Variants in STS observed in about 807,000 individuals in gnomAD.
STS encodes the protein steroid sulfatase.
STS carries 7 observed loss-of-function variants against 26.8 expected under a neutral mutation model. That is an observed-to-expected ratio of 0.26 (90% CI 0.15 to 0.49). The LOEUF is 0.49. STS is among the 20% of genes least tolerant of loss of function. The pLI is 0.98. For missense variants in STS, 434 were observed against 465.6 expected (o/e 0.93, Z 0.63); for synonymous variants, 199 against 189.4 (o/e 1.05, Z -0.42).
chrX:7,349,525 C>T (rs1411588206), intron 10 of STS, among the ~76,000 whole-genome samples: 1 of 105,117 alleles, frequency 9.5e-6, no homozygotes, highest in East Asian at 3.1e-4. Flanking sequence ...TTAGCAGAGA[C>T]GGGGTTTCGC....
At chrX:7,222,366 T>A (rs1422816823) in intron 2 of STS, among the ~76,000 whole-genome samples, 4 of 110,592 alleles carry the variant, frequency 3.6e-5, no homozygotes, top group Non-Finnish European at 7.6e-5. Context: ...CATAACTGTC[T>A]GTCTGCAAGT....
chrX:7,162,772 C>T lies in STS; in HGVS notation c.-134+14689C>T, dbSNP rs567820088. The stretch of plus-strand genomic sequence containing the variant: ...TTTAAAATGTGTAAGACTGGCCGGG[C>T]GCAGTGGCTCACGCCTGTAATCCCA... On this transcript the variant is annotated intron_variant, in intron 1 of 10. Coordinates refer to ENST00000674429, the MANE Select transcript of STS (RefSeq NM_001320752.2). Among the ~76,000 whole-genome samples, 82 of 106,087 alleles carry T rather than the reference C, an allele frequency of 7.7e-4. No individual in the cohort carries two copies. In the South Asian group the frequency reaches 0.014, roughly 18 times the overall value. 92.1% of individuals were successfully genotyped at this position (106,087 alleles called of 115,157 possible). A position where few individuals can be genotyped will look rare whatever the true frequency, so the allele number is the denominator to read the frequency against.
intron 1 of STS, among the ~76,000 whole-genome samples, chrX:7,171,397 C>G (rs1274318243): frequency 1.8e-5 from 2 of 111,663 alleles, no homozygotes; most frequent in African/African-American, 3.3e-5. Flanking sequence ...CCAAAAATGT[C>G]AACCCCAGTC....
At chrX:7,345,455 G>A (rs1316469217) in intron 10 of STS, among the ~76,000 whole-genome samples, 1 of 111,359 alleles carries the variant, frequency 9.0e-6, no homozygotes, top group Non-Finnish European at 1.9e-5. Flanking sequence ...CCAGGTGCTG[G>A]GGTGATTACC....
At chrX:7,228,409 G>A (rs764875811) in intron 2 of STS, among the ~76,000 whole-genome samples, 1 of 111,851 alleles carries the variant, frequency 8.9e-6, no homozygotes, top group Admixed American at 9.5e-5. Context: ...TTTTTTAAGA[G>A]CAGCTGTTCT....
chrX:7,287,315 C>T (rs1925181421), intron 7 of STS, among the ~76,000 whole-genome samples: 2 of 111,472 alleles, frequency 1.8e-5, no homozygotes, highest in African/African-American at 6.5e-5. Flanking sequence ...AAATGTTTTT[C>T]TGATTACCAA....
chrX:7,183,995 T>C (rs1933728891), intron 1 of STS, among the ~76,000 whole-genome samples: 1 of 99,592 alleles, frequency 1.0e-5, no homozygotes, highest in African/African-American at 3.8e-5. Flanking sequence ...AGAGTGAAAC[T>C]CCATCTCAAA....
chrX:7,259,238 G>A, intron 5 of STS, 111 bp from the exon 6 acceptor site: 9 of 844,205 alleles, frequency 1.1e-5, no homozygotes, highest in Non-Finnish European at 1.4e-5. Context: ...GGGAAGGCTA[G>A]CTTCATGAAA....
At chrX:7,292,349 C>T (rs1237058296) in intron 7 of STS, among the ~76,000 whole-genome samples, 3 of 112,080 alleles carry the variant, frequency 2.7e-5, no homozygotes, top group East Asian at 2.8e-4. Flanking sequence ...GCTCAGATAT[C>T]GTTGGCCAAG....
chrX:7,154,163 C>G (rs751943438), intron 1 of STS, among the ~76,000 whole-genome samples: 6 of 111,860 alleles, frequency 5.4e-5, no homozygotes, highest in African/African-American at 2.0e-4. Flanking sequence ...ACTGGCCCTG[C>G]CTGCTGAAGC....
chrX:7,172,234 T>G (rs1288426221), intron 1 of STS, among the ~76,000 whole-genome samples: 1 of 111,514 alleles, frequency 9.0e-6, no homozygotes, highest in African/African-American at 3.3e-5. Context: ...GTAATTGTAT[T>G]ATAGGACTGT....
At chrX:7,286,853 G>A (rs1925159016) in intron 7 of STS, among the ~76,000 whole-genome samples, 1 of 112,046 alleles carries the variant, frequency 8.9e-6, no homozygotes, top group African/African-American at 3.2e-5. Flanking sequence ...TCTCAAATAG[G>A]ATAGACCATT....
At chrX:7,200,521 G>T (rs149754325) in intron 2 of STS, among the ~76,000 whole-genome samples, 2 of 111,683 alleles carry the variant, frequency 1.8e-5, no homozygotes, top group East Asian at 5.6e-4. Flanking sequence ...AATAAAATGA[G>T]CTCTCTTGCT....
chrX:7,169,419 T>C (rs2146996374), intron 1 of STS, among the ~76,000 whole-genome samples: 1 of 112,685 alleles, frequency 8.9e-6, no homozygotes, highest in Admixed American at 9.4e-5. Context: ...TAATATTCTA[T>C]TGTGTGGATA....
intron 1 of STS, among the ~76,000 whole-genome samples, chrX:7,171,194 T>TG (rs1933460866): frequency 8.9e-6 from 1 of 111,935 alleles, no homozygotes; most frequent in South Asian, 3.8e-4. Context: ...CTCCTGGGGC[T>TG]GGCTGGCTTC....
At chrX:7,239,187 T>C (rs1413262219) in intron 2 of STS, among the ~76,000 whole-genome samples, 1 of 111,736 alleles carries the variant, frequency 8.9e-6, no homozygotes, top group Non-Finnish European at 1.9e-5. Context: ...AAATAGGTAT[T>C]TAAATCTATA....
chrX:7,231,113 C>T, intron 2 of STS, among the ~76,000 whole-genome samples: 1 of 111,879 alleles, frequency 8.9e-6, no homozygotes, highest in South Asian at 3.7e-4. Flanking sequence ...GTGCATGATT[C>T]CATTCATATG....
At chrX:7,237,569 T>C (rs1424583533) in intron 2 of STS, among the ~76,000 whole-genome samples, 2 of 112,557 alleles carry the variant, frequency 1.8e-5, no homozygotes, top group Non-Finnish European at 3.7e-5. Flanking sequence ...TATGTTGTGA[T>C]GGTTAATTTC....
At chrX:7,320,124 T>C (rs1926950795) in intron 8 of STS, among the ~76,000 whole-genome samples, 1 of 97,700 alleles carries the variant, frequency 1.0e-5, no homozygotes, top group Admixed American at 1.2e-4. Flanking sequence ...AGTATTATTT[T>C]ATATATATTT....
Sources: gnomAD v4.1 joint callset for allele counts (sites outside exome capture counted in the v4.1 genomes callset) on GRCh38, gnomAD v4.1.1 for gene constraint, MANE v1.5 for transcripts, NCBI Gene and HGNC (gene_info 2026-07-23, HGNC 2026-07-21) for gene names.